The following STK3 variants were observed in gnomAD, a reference collection of about 807,000 sequenced individuals.
STK3 encodes the protein serine/threonine kinase 3, also known as serine/threonine-protein kinase 3.
In STK3, 41 loss-of-function variants were observed where a neutral mutation model predicts 58.0. The ratio of observed to expected loss-of-function variants is 0.71; its 90% CI spans 0.55 to 0.92. The LOEUF (loss-of-function observed/expected upper bound fraction) is 0.92. Ranked by LOEUF, STK3 falls within the 40% of genes least tolerant of loss-of-function variation. STK3 has a pLI of 0.00. For synonymous variants in STK3, 170 were observed against 191.0 expected, an observed-to-expected ratio of 0.89 and a Z score of 0.91; for missense variants, 479 against 602.7, an observed-to-expected ratio of 0.79 and a Z score of 2.15.
intron 6 of STK3, chr8:98,598,154 C>T (rs1291752381): frequency 1.0e-6 from 1 of 985,178 alleles, no homozygotes; most frequent in Admixed American, 6.2e-5. Flanking sequence ...TTCATCTGCA[C>T]TTCTGTTGTA....
chr8:98,412,670 G>A (rs1314303406), intron 3 of STK3, among the ~76,000 whole-genome samples: 3 of 152,158 alleles, frequency 2.0e-5, no homozygotes, highest in Non-Finnish European at 2.9e-5. Context: ...AGGATTGGAT[G>A]TGCTAATGTC....
intron 3 of STK3, among the ~76,000 whole-genome samples, chr8:98,413,950 A>G (rs1445148787): frequency 1.3e-5 from 2 of 152,178 alleles, no homozygotes; most frequent in Admixed American, 1.3e-4. Context: ...CTGAGACCTG[A>G]AAACCATATT....
chr8:98,909,905 A>T (rs981138418), intron 1 of STK3, among the ~76,000 whole-genome samples: 16 of 151,978 alleles, frequency 1.1e-4, no homozygotes, highest in Non-Finnish European at 1.0e-4. Flanking sequence ...ATGTTTAATC[A>T]TTTGAGGAAC....
At chr8:98,821,468 G>C (rs1337946823) in intron 1 of STK3, among the ~76,000 whole-genome samples, 11 of 151,436 alleles carry the variant, frequency 7.3e-5, no homozygotes, top group Admixed American at 7.3e-4. Context: ...TGGCCAGCTT[G>C]GGCAACATGG....
intron 6 of STK3, among the ~76,000 whole-genome samples, chr8:98,678,073 G>C (rs899307411): frequency 6.6e-6 from 1 of 152,148 alleles, no homozygotes; most frequent in Admixed American, 6.5e-5. Context: ...TGTACTGATA[G>C]AAGGAAGTAT....
intron 3 of STK3, among the ~76,000 whole-genome samples, chr8:98,393,920 G>C (rs937618304): frequency 6.6e-6 from 1 of 152,172 alleles, no homozygotes; most frequent in Non-Finnish European, 1.5e-5. Context: ...CTGAATTCTG[G>C]AGTCATTTCT....
chr8:98,584,063 G>A (rs1586925025), intron 7 of STK3, among the ~76,000 whole-genome samples: 2 of 151,798 alleles, frequency 1.3e-5, no homozygotes, highest in Admixed American at 6.6e-5. Flanking sequence ...TGCTAGTGGA[G>A]AAGGTAGTGA....
chr8:98,358,888 T>A, the STK3 span, among the ~76,000 whole-genome samples: 1 of 152,044 alleles, frequency 6.6e-6, no homozygotes, highest in Non-Finnish European at 1.5e-5. Context: ...TTTGCCGGCA[T>A]CCAGGAAACC....
chr8:98,579,746 T>C lies in STK3; in HGVS notation c.866A>G (p.Asp289Gly). 6.2e-7 allele frequency: 1 copy of C among 1,605,078 alleles called. No individual in the cohort carries two copies. Among genetic ancestry groups the C allele is most frequent in the South Asian group, 1.1e-5 (1 of 88,648 alleles). The change falls in exon 8 of 11, where the codon GAC becomes GGC. Residue 289 changes from aspartate to glycine, a missense_variant. Physicochemically the swap from Asp to Gly is moderately conservative, Grantham distance 94. Transcript: ENST00000419617. ...KNAKPVSILR[D>G]LITEAMEIKA... Reference sequence around the variant, plus strand: ...GATCTCCATAGCTTCTGTGATCAGGTCTCTTAATATTGATACAGGTTTGGC... The same window carrying C: ...GATCTCCATAGCTTCTGTGATCAGGCCTCTTAATATTGATACAGGTTTGGC...
chr8:98,831,685 C>A (rs1437098380), intron 3 of STK3, among the ~76,000 whole-genome samples: 1 of 152,158 alleles, frequency 6.6e-6, no homozygotes, highest in African/African-American at 2.4e-5. Flanking sequence ...TTTTTATTTG[C>A]AGGAAAATTT....
intron 1 of STK3, among the ~76,000 whole-genome samples, chr8:98,778,524 T>G (rs1199079134): frequency 2.0e-5 from 3 of 152,140 alleles, no homozygotes; most frequent in African/African-American, 7.2e-5. Context: ...GCCATCCCAT[T>G]ACTGGGTATA....
chr8:98,935,837 T>C (rs1840173464), intron 1 of STK3, among the ~76,000 whole-genome samples: 1 of 152,220 alleles, frequency 6.6e-6, no homozygotes, highest in South Asian at 2.1e-4. Flanking sequence ...GGTCAGTTCA[T>C]GTTAATGGGT....
chr8:98,517,222 T>C (rs1290158660), intron 10 of STK3, among the ~76,000 whole-genome samples: 1 of 152,052 alleles, frequency 6.6e-6, no homozygotes, highest in Non-Finnish European at 1.5e-5. Flanking sequence ...TCTGGAAAGG[T>C]GTTTCAACAA....
At chr8:98,913,893 C>T (rs1242629088) in intron 1 of STK3, among the ~76,000 whole-genome samples, 1 of 152,176 alleles carries the variant, frequency 6.6e-6, no homozygotes, top group African/African-American at 2.4e-5. Flanking sequence ...CTTTTGGCCT[C>T]TATTTTCTCA....
intron 3 of STK3, among the ~76,000 whole-genome samples, chr8:98,866,890 T>A (rs1203066547): frequency 6.6e-6 from 1 of 152,140 alleles, no homozygotes; most frequent in Non-Finnish European, 1.5e-5. Flanking sequence ...AGATGCCAGA[T>A]GCCCCTGGGG....
upstream of STK3, among the ~76,000 whole-genome samples, chr8:98,390,737 T>C (rs1013037325): frequency 6.6e-6 from 1 of 152,144 alleles, no homozygotes; most frequent in African/African-American, 2.4e-5. Context: ...CTATGGGTTT[T>C]TTCTCTGTTT....
upstream of STK3, chr8:98,825,753 C>A (rs1424941651): frequency 1.6e-6 from 1 of 612,712 alleles, no homozygotes; most frequent in Non-Finnish European, 2.0e-6. Context: ...GCCCCGCCCC[C>A]GGCCGCCCCG....
chr8:98,436,141 C>T (rs933411533), intron 2 of STK3, among the ~76,000 whole-genome samples: 2 of 152,272 alleles, frequency 1.3e-5, no homozygotes, highest in African/African-American at 4.8e-5. Flanking sequence ...CTGGGAACTC[C>T]CTCCTTTGTG....
intron 2 of STK3, among the ~76,000 whole-genome samples, chr8:98,371,992 G>A (rs532886676): frequency 2.0e-5 from 3 of 152,132 alleles, no homozygotes; most frequent in African/African-American, 7.2e-5. Flanking sequence ...GGGGAGGGGG[G>A]TCCTTAAACC....
Sources: gnomAD v4.1 joint callset for allele counts (sites outside exome capture counted in the v4.1 genomes callset) on GRCh38, gnomAD v4.1.1 for gene constraint, MANE v1.5 for transcripts, NCBI Gene and HGNC (gene_info 2026-07-23, HGNC 2026-07-21) for gene names.